AKR1C2: variants seen among roughly 807,000 people sequenced by gnomAD.
AKR1C2 encodes 3-alpha-HSD3.
A neutral mutation model predicts 39.8 loss-of-function variants in AKR1C2; 27 were observed. The observed-to-expected ratio is 0.68, with a 90% confidence interval of 0.50 to 0.93. AKR1C2 has a LOEUF of 0.93. AKR1C2 is among the 40% of genes least tolerant of loss of function. The pLI, the probability that AKR1C2 is intolerant of heterozygous loss-of-function variation, is 0.00. For synonymous variants in AKR1C2, 114 were observed against 137.9 expected, an observed-to-expected ratio of 0.83 and a Z score of 1.22; for missense variants, 263 against 365.1, an observed-to-expected ratio of 0.72 and a Z score of 2.28.
At chr10:5,017,285 T>G (rs1252410756) in intron 1 of AKR1C2, among the ~76,000 whole-genome samples, 4 of 152,252 alleles carry the variant, frequency 2.6e-5, no homozygotes, top group African/African-American at 9.6e-5. Flanking sequence ...ATTTATCTTC[T>G]GCTTCCCTTT....
intron 5 of AKR1C2, 105 bp downstream of exon 5, chr10:4,998,520 C>A: frequency 6.5e-7 from 1 of 1,544,800 alleles, no homozygotes; most frequent in South Asian, 1.3e-5. Flanking sequence ...TCTCTAGAAT[C>A]TTCTCTTTTA....
chr10:4,998,543 G>T (rs1254837972), intron 5 of AKR1C2, 82 bp downstream of exon 5: 1 of 1,580,310 alleles, frequency 6.3e-7, no homozygotes, highest in Admixed American at 1.8e-5. Context: ...AAGATAAGTG[G>T]GACTAAATGA....
At chr10:4,991,064 T>G (rs1554772182) in intron 8 of AKR1C2, among the ~76,000 whole-genome samples, 1 of 151,254 alleles carries the variant, frequency 6.6e-6, no homozygotes, top group Non-Finnish European at 1.5e-5. Context: ...TTGAATGACC[T>G]TCTATGAATC....
chr10:5,009,263 A>G (rs1837470024), intron 1 of AKR1C2, among the ~76,000 whole-genome samples: 1 of 152,210 alleles, frequency 6.6e-6, no homozygotes. Flanking sequence ...TGAAGAAACA[A>G]CTGTGTCACC....
intron 1 of AKR1C2, among the ~76,000 whole-genome samples, chr10:5,009,786 C>G (rs1294941954): frequency 6.6e-6 from 1 of 151,962 alleles, no homozygotes; most frequent in Non-Finnish European, 1.5e-5. Flanking sequence ...AAGGAGGCAA[C>G]CAGATGGACG....
rs1836731165 is a variant in AKR1C2, at chr10:4,988,418, C to G, written c.*1578G>C. The stretch of plus-strand genomic sequence containing the variant: ...TGAAGATTTGGAGGAAAACGCTGAG[C>G]TAGAAATATTTTTTGGTGGATTTCT... On this transcript the variant is annotated 3_prime_UTR_variant, in exon 9 of 9. Transcript: ENST00000380753. 1 of 123,204 alleles carries G rather than the reference C, an allele frequency of 8.1e-6. No homozygotes were observed. The highest frequency in any genetic ancestry group is 2.4e-4 in the South Asian group (1 of 4,236). 7.6% of individuals were successfully genotyped at this position (123,204 alleles called of 1,614,324 possible).
At chr10:5,006,667 G>A (rs774914520), upstream of AKR1C2, 6 of 152,088 alleles carry the variant, frequency 3.9e-5, no homozygotes, top group Non-Finnish European at 8.8e-5. Context: ...TCCTGGACAA[G>A]GTGATCCACA....
intron 7 of AKR1C2, among the ~76,000 whole-genome samples, chr10:4,993,883 T>G (rs1365019309): frequency 7.9e-5 from 12 of 151,756 alleles, no homozygotes; most frequent in African/African-American, 2.9e-4. Flanking sequence ...ACTGATAATT[T>G]CCACAGTCTT....
chr10:4,991,447 G>C (rs1425601472), intron 8 of AKR1C2, among the ~76,000 whole-genome samples: 4 of 152,186 alleles, frequency 2.6e-5, no homozygotes, highest in Admixed American at 6.5e-5. Flanking sequence ...CATTGAGCAG[G>C]TTGGGAAGAA....
intron 1 of AKR1C2, among the ~76,000 whole-genome samples, chr10:5,013,131 A>T (rs1373624164): frequency 6.6e-6 from 1 of 152,214 alleles, no homozygotes; most frequent in Non-Finnish European, 1.5e-5. Context: ...TTTGTAGAAC[A>T]AACCACCATG....
chr10:5,000,674 G>T lies in AKR1C2; in HGVS notation c.253-8C>A. On this transcript the variant is annotated splice_region_variant and splice_polypyrimidine_tract_variant and intron_variant, in intron 2 of 8. Transcript: ENST00000380753. Reference sequence around the variant, plus strand: ...ATGGGAATTGCTCCAAAGCTGCAGAGGTTAGAGAAACGAAGTTGTGTAATG... The same window carrying T: ...ATGGGAATTGCTCCAAAGCTGCAGATGTTAGAGAAACGAAGTTGTGTAATG... 6.2e-7 allele frequency: 1 copy of T among 1,606,844 alleles called. No homozygotes were observed. Among genetic ancestry groups the T allele is most frequent in the Non-Finnish European group, 8.5e-7 (1 of 1,177,668 alleles).
At chr10:4,990,371 C>T (rs1345956346) in intron 8 of AKR1C2, among the ~76,000 whole-genome samples, 5 of 152,244 alleles carry the variant, frequency 3.3e-5, no homozygotes, top group Admixed American at 1.3e-4. Context: ...TTCAAATTCT[C>T]ACTAAAAACA....
At chr10:4,990,963 G>T (rs140418550) in intron 8 of AKR1C2, among the ~76,000 whole-genome samples, 2,628 of 151,048 alleles carry the variant, frequency 0.017, 244 homozygotes, top group African/African-American at 0.062. Flanking sequence ...GTACCATTGT[G>T]CTTGTTTTTT....
intron 5 of AKR1C2, among the ~76,000 whole-genome samples, chr10:4,996,481 T>C (rs189419944): frequency 3.4e-4 from 48 of 142,220 alleles, no homozygotes; most frequent in South Asian, 8.8e-4. Flanking sequence ...CAAGTGCTTT[T>C]GTCTTTTACA....
In AKR1C2 at chr10:5,001,655, G is replaced by C. The variant is rs782611754; in HGVS notation, c.111C>G (p.Ala37=). 1 of 1,613,788 alleles carries C rather than the reference G, an allele frequency of 6.2e-7. No homozygotes were observed. Among genetic ancestry groups the C allele is most frequent in the Admixed American group, 1.7e-5 (1 of 59,994 alleles). The part of the protein sequence containing the change: ...AEVPKSKALE[A]VKLAIEAGFH... ...ACCCGGCTTCTATTGCCAATTTGAC[G>C]GCCTCTAGAGCTTTACTTTTAGGAA... Residue 37 remains alanine (A), a synonymous_variant, in exon 2 of 9, where the codon GCC becomes GCG. Coordinates refer to ENST00000380753, the MANE Select transcript of AKR1C2 (RefSeq NM_001393392.1).
At chr10:4,994,849 A>G (rs1836975808) in intron 7 of AKR1C2, among the ~76,000 whole-genome samples, 1 of 143,406 alleles carries the variant, frequency 7.0e-6, no homozygotes, top group Non-Finnish European at 1.5e-5. Context: ...TGGTATAAAT[A>G]TGGTCTCCTA....
chr10:5,016,348 G>A (rs1837638868), intron 1 of AKR1C2, among the ~76,000 whole-genome samples: 1 of 152,166 alleles, frequency 6.6e-6, no homozygotes, highest in Non-Finnish European at 1.5e-5. Context: ...CAATGGAAAT[G>A]GGGTATTGAG....
intron 7 of AKR1C2, among the ~76,000 whole-genome samples, chr10:4,992,325 G>C (rs561324783): frequency 2.5e-3 from 382 of 152,176 alleles, no homozygotes; most frequent in South Asian, 3.7e-3. Flanking sequence ...GGTATAATAG[G>C]AAAAATCAGT....
chr10:5,001,816 T>C (rs1554773879), intron 1 of AKR1C2, 135 bp from the exon 2 acceptor site: 4 of 1,196,242 alleles, frequency 3.3e-6, no homozygotes, highest in African/African-American at 1.6e-5. Context: ...CATAAGCCCA[T>C]CCCAGTCTGA....
Sources: allele counts gnomAD v4.1 joint callset (sites outside exome capture counted in the v4.1 genomes callset), GRCh38; gene constraint gnomAD v4.1.1; transcripts MANE v1.5; gene names NCBI Gene and HGNC (gene_info 2026-07-23, HGNC 2026-07-21).